Variants in SYNE2 observed in about 807,000 individuals in gnomAD.
The protein encoded by SYNE2 is spectrin repeat containing nuclear envelope protein 2, also known as nesprin-2.
In SYNE2, 431 loss-of-function variants were observed where a neutral mutation model predicts 856.3. That is an observed-to-expected ratio of 0.50 (90% CI 0.47 to 0.55). SYNE2 has a LOEUF of 0.55. Among genes scored for constraint, SYNE2 ranks in the 20% least tolerant of loss-of-function variants. The pLI is 0.00. For missense variants in SYNE2, 8,129 were observed against 8,023.2 expected, an observed-to-expected ratio of 1.01 and a Z score of -0.50; for synonymous variants, 2,923 against 2,872.3, an observed-to-expected ratio of 1.02 and a Z score of -0.56.
At chr14:64,199,298 G>A (rs1596167389) in intron 99 of SYNE2, among the ~76,000 whole-genome samples, 1 of 152,204 alleles carries the variant, frequency 6.6e-6, no homozygotes, top group East Asian at 1.9e-4. Flanking sequence ...CTTAAGAACA[G>A]CAGCTCCAGA....
intron 1 of SYNE2, among the ~76,000 whole-genome samples, chr14:63,893,648 T>C (rs370805579): frequency 3.3e-5 from 5 of 152,332 alleles, no homozygotes; most frequent in Admixed American, 6.5e-5. Flanking sequence ...ATCTATTATG[T>C]AGCAACTATA....
chr14:64,087,477 C>A, intron 57 of SYNE2, 194 bp from the exon 58 acceptor site: 1 of 750,082 alleles, frequency 1.3e-6, no homozygotes, highest in Non-Finnish European at 2.5e-6. Context: ...TATTATGTTA[C>A]AGTTATACAG....
chr14:64,011,090 G>A (rs1405024263), intron 32 of SYNE2, among the ~76,000 whole-genome samples: 1 of 152,148 alleles, frequency 6.6e-6, no homozygotes, highest in Non-Finnish European at 1.5e-5. Flanking sequence ...AGCTTAAATA[G>A]GACAATTTAG....
chr14:63,827,624 T>TAAA (rs1889485854), intron 1 of SYNE2, among the ~76,000 whole-genome samples: 1 of 2,270 alleles, frequency 4.4e-4, no homozygotes. Context: ...AAACTCTGTC[T>TAAA]CAAAAAAAAA....
chr14:64,028,334 C>T (rs2096998866), intron 43 of SYNE2, among the ~76,000 whole-genome samples: 1 of 152,022 alleles, frequency 6.6e-6, no homozygotes, highest in African/African-American at 2.4e-5. Flanking sequence ...TAGTTCACTG[C>T]AGCCTCGAAC....
intron 1 of SYNE2, among the ~76,000 whole-genome samples, chr14:63,893,831 T>A (rs2095192734): frequency 6.6e-6 from 1 of 152,164 alleles, no homozygotes; most frequent in Non-Finnish European, 1.5e-5. Flanking sequence ...ACATTCAGGA[T>A]GTACAGCCTC....
chr14:64,060,954 C>A (rs1028091214), intron 49 of SYNE2, among the ~76,000 whole-genome samples: 1 of 152,178 alleles, frequency 6.6e-6, no homozygotes, highest in Non-Finnish European at 1.5e-5. Context: ...CTTTCCCTCC[C>A]CCACGTGCAC....
At chr14:64,043,029 C>T (rs375773377) in intron 45 of SYNE2, among the ~76,000 whole-genome samples, 1 of 152,128 alleles carries the variant, frequency 6.6e-6, no homozygotes, top group East Asian at 1.9e-4. Flanking sequence ...TAATAAGGTC[C>T]AGGCTGAGGT....
chr14:64,082,865 C>A (rs771120581), intron 57 of SYNE2, among the ~76,000 whole-genome samples: 13 of 152,342 alleles, frequency 8.5e-5, no homozygotes, highest in African/African-American at 3.1e-4. Flanking sequence ...ACATGCCCCA[C>A]GTGTCCATGC....
intron 111 of SYNE2, 139 bp from the exon 112 acceptor site, chr14:64,221,437 A>G: frequency 6.6e-7 from 1 of 1,510,070 alleles, no homozygotes; most frequent in East Asian, 2.3e-5. Flanking sequence ...CATTTAGTTT[A>G]AAGCTGGTCC....
In SYNE2 at chr14:64,209,968, G is replaced by T. The variant is rs147082206; in HGVS notation, c.18567G>T (p.Arg6189=). The T allele has an allele frequency of 3.1e-6, 5 of 1,614,102 alleles. No individual in the cohort carries two copies. Among genetic ancestry groups the T allele is most frequent in the Non-Finnish European group, 4.2e-6 (5 of 1,180,028 alleles). ...FEAFQRQIHE[R]LTQLELINKQ... ...CCTTTCAGCGGCAGATTCATGAGCG[G>T]CTCACTCAGCTGGAGCTCATCAACA... is the stretch of plus-strand genomic sequence containing the variant. Residue 6189 remains arginine (R), a synonymous_variant, in exon 103 of 116, where the codon CGG becomes CGT. Coordinates refer to ENST00000555002, the MANE Select transcript of SYNE2 (RefSeq NM_182914.3).
At chr14:64,184,537 C>G (rs977291253) in intron 96 of SYNE2, among the ~76,000 whole-genome samples, 22 of 152,180 alleles carry the variant, frequency 1.4e-4, no homozygotes, top group South Asian at 4.1e-4. Context: ...GCCAGCACCT[C>G]TGAGCAGGGC....
chr14:63,984,743 C>T (rs995602176), intron 18 of SYNE2, among the ~76,000 whole-genome samples: 3 of 152,210 alleles, frequency 2.0e-5, no homozygotes, highest in African/African-American at 4.8e-5. Flanking sequence ...TAAACTGGCT[C>T]AGACCTACTG....
intron 45 of SYNE2, chr14:64,034,377 A>G (rs1448997979): frequency 4.9e-6 from 2 of 410,386 alleles, no homozygotes; most frequent in Admixed American, 4.1e-5. Context: ...CTCACTTCAC[A>G]TGCCTTTTTG....
chr14:63,867,191 T>A (rs574480659), intron 1 of SYNE2, among the ~76,000 whole-genome samples: 1 of 152,286 alleles, frequency 6.6e-6, no homozygotes, highest in Admixed American at 6.5e-5. Flanking sequence ...AACAGTACCA[T>A]GAGAGAACTC....
Position 63,762,422 on chromosome 14 carries a change from T to C in SYNE2, c.-305+436T>C, listed in dbSNP as rs1201830637. Among the ~76,000 whole-genome samples the C allele has an allele frequency of 2.5e-5, 3 of 117,914 alleles. 1 individual carries two copies. The highest frequency in any genetic ancestry group is 4.9e-4 in the South Asian group (2 of 4,048). The allele number at this position is 117,914 out of a possible 152,430, so 77.4% of individuals were successfully genotyped here. A position where few individuals can be genotyped will look rare whatever the true frequency, so the allele number is the denominator to read the frequency against. On this transcript the variant is annotated intron_variant, in intron 1 of 23. Coordinates refer to the SYNE2 transcript ENST00000674003. ...TGCACTCCAGCCTGGGCAACAGGAG[T>C]GAAACTCCATCTCAAAAAAAAAAAA...
chr14:63,949,040 A>C (rs1460231373), intron 6 of SYNE2, among the ~76,000 whole-genome samples: 1 of 151,796 alleles, frequency 6.6e-6, no homozygotes, highest in Non-Finnish European at 1.5e-5. Context: ...AATCAGATCA[A>C]GTTTGTTAAT....
intron 77 of SYNE2, 42 bp from the exon 78 acceptor site, chr14:64,134,027 T>A (rs573382907): frequency 1.2e-6 from 2 of 1,611,886 alleles, no homozygotes; most frequent in African/African-American, 2.7e-5. Context: ...GGAACCAATC[T>A]GGTAAAGGGC....
rs1213388699 is a variant in SYNE2 at position 64,167,348 on chromosome 14, A to G, written c.16721A>G (p.Gln5574Arg). Residue 5574 changes from glutamine to arginine, a missense_variant, in exon 91 of 116, where the codon CAA becomes CGA. Transcript: ENST00000555002. ...AVKTLQNMNR[Q>R]WIRATATALE... ...AAGACGTTACAAAATATGAACCGGC[A>G]ATGGATTCGGGCCACGGCCACGGCA... 1.2e-6 allele frequency: 2 copies of G among 1,614,256 alleles called. No individual in the cohort carries two copies. The highest frequency in any genetic ancestry group is 1.7e-6 in the Non-Finnish European group (2 of 1,180,040).
Sources: allele counts gnomAD v4.1 joint callset (sites outside exome capture counted in the v4.1 genomes callset), GRCh38; gene constraint gnomAD v4.1.1; transcripts MANE v1.5; gene names NCBI Gene and HGNC (gene_info 2026-07-23, HGNC 2026-07-21).